Variants in ZNF792 observed in about 807,000 individuals in gnomAD.
ZNF792 encodes the protein zinc finger protein 792.
ZNF792 carries 14 observed loss-of-function variants against 13.1 expected under a neutral mutation model. That is an observed-to-expected ratio of 1.07 (90% CI 0.71 to 1.67). The LOEUF is 1.67. Among genes scored for constraint, ZNF792 ranks in the 40% most tolerant of loss-of-function variants. The pLI is 0.00. For synonymous variants in ZNF792, 257 were observed against 292.0 expected (o/e 0.88, Z 1.22); for missense variants, 740 against 807.9 (o/e 0.92, Z 1.02).
At chr19:34,962,056 T>G (rs368421438) in intron 1 of ZNF792, among the ~76,000 whole-genome samples, 35 of 152,300 alleles carry the variant, frequency 2.3e-4, no homozygotes, top group African/African-American at 7.7e-4. Context: ...CCTGTCTTTA[T>G]GATGCCAAAC....
intron 1 of ZNF792, 44 bp downstream of exon 1, chr19:34,963,586 G>C (rs1405112406): frequency 2.5e-6 from 4 of 1,588,978 alleles, no homozygotes; most frequent in Non-Finnish European, 3.4e-6. Context: ...GAGAACAGAA[G>C]CGTGGGGGGC....
At position 34,958,841 on chromosome 19, in the gene ZNF792, G is replaced by A. The variant is rs372853650; in HGVS notation, c.1014C>T (p.His338=). The change falls in exon 4 of 4, where the codon CAC becomes CAT. Residue 338 remains histidine (H), a synonymous_variant. Transcript: ENST00000404801. ...HRRVHTGESP[H]VCGDCGKFFS... ...AGAATTTCCCACAGTCACCACACAC[G>A]TGAGGGCTTTCACCGGTGTGAACCC... The A allele has an allele frequency of 9.1e-5, 147 of 1,612,326 alleles. No homozygotes were observed. Among genetic ancestry groups the A allele is most frequent in the Non-Finnish European group, 1.2e-4 (139 of 1,178,714 alleles).
Position 34,959,463 on chromosome 19 carries a change from G to T in ZNF792, c.392C>A (p.Thr131Asn). 6.2e-7 allele frequency: 1 copy of T among 1,613,798 alleles called. No homozygotes were observed. Among genetic ancestry groups the T allele is most frequent in the Non-Finnish European group, 8.5e-7 (1 of 1,179,752 alleles). Residue 131 changes from threonine (T) to asparagine (N), a missense_variant, in exon 4 of 4, where the codon ACC (threonine) becomes AAC (asparagine). Physicochemically the swap from Thr to Asn is moderately conservative, Grantham distance 65. Coordinates refer to ENST00000404801, the MANE Select transcript of ZNF792 (RefSeq NM_175872.5). Reference protein sequence around the residue: ...SPEATLCPQKTCPCDICGLRL... With the variant: ...SPEATLCPQKNCPCDICGLRL... ...TAGGCCACATATGTCACAGGGGCAG[G>T]TCTTCTGGGGGCACAGAGTTGCCTC...
chr19:34,959,355 T>A lies in ZNF792; in HGVS notation c.500A>T (p.Lys167Ile). The A allele has an allele frequency of 6.2e-7, 1 of 1,614,090 alleles. No individual in the cohort carries two copies. The highest frequency in any genetic ancestry group is 1.1e-5 in the South Asian group (1 of 91,084). Residue 167 changes from lysine to isoleucine, a missense_variant, in exon 4 of 4, where the codon AAA (lysine) becomes ATA (isoleucine). Transcript: ENST00000404801. Reference sequence around the variant, plus strand: ...AAGGTTTGCACTGAACTCAGAGCCTTTCACATATGCCTCACACACAAATGG... The same window carrying A: ...AAGGTTTGCACTGAACTCAGAGCCTATCACATATGCCTCACACACAAATGG... ...QKPFVCEAYV[K>I]GSEFSANLPR... is the part of the protein sequence containing the mutation.
In ZNF792 at chr19:34,957,597, A is replaced by G; in HGVS notation, c.*359T>C. On this transcript the variant is annotated 3_prime_UTR_variant, in exon 4 of 4. Transcript: ENST00000404801. ...ACAAATCCTTCACAGGCATAACATGAGACCAACAATGTCCCAGAAAAAGGG... is the reference window on the plus strand; with the variant it reads ...ACAAATCCTTCACAGGCATAACATGGGACCAACAATGTCCCAGAAAAAGGG... 4.4e-6 allele frequency: 1 copy of G among 227,086 alleles called. No individual in the cohort carries two copies. 14.1% of individuals were successfully genotyped at this position (227,086 alleles called of 1,614,324 possible).
At chr19:34,963,243 G>A (rs2013553556) in intron 1 of ZNF792, among the ~76,000 whole-genome samples, 1 of 152,168 alleles carries the variant, frequency 6.6e-6, no homozygotes, top group Middle Eastern at 3.4e-3. Flanking sequence ...CTGCCGTTCT[G>A]AGCTGTCTTC....
chr19:34,960,587 G>C, intron 2 of ZNF792: 1 of 689,106 alleles, frequency 1.5e-6, no homozygotes, highest in South Asian at 1.9e-5. Flanking sequence ...TAATCACCCA[G>C]GAGGGAATGG....
In ZNF792 at chr19:34,959,050, G is replaced by A. The variant is rs150355922; in HGVS notation, c.805C>T (p.Leu269Phe). 2.3e-4 allele frequency: 376 copies of A among 1,614,058 alleles called. No homozygotes were observed. Among genetic ancestry groups the A allele is most frequent in the Non-Finnish European group, 2.6e-4 (310 of 1,180,004 alleles). ...CTGTGGATTCTCTGGTGCTGAACAA[G>A]AGTGGATTTGTTATTGAAGGCATCC... is the stretch of plus-strand genomic sequence containing the variant. Reference protein sequence around the residue: ...SGDAFNNKSTLVQHQRIHSRE... With the variant: ...SGDAFNNKSTFVQHQRIHSRE... The change falls in exon 4 of 4, where the codon CTT (leucine) becomes TTT (phenylalanine). Residue 269 changes from leucine (L) to phenylalanine (F), a missense_variant. Coordinates refer to ENST00000404801, the MANE Select transcript of ZNF792 (RefSeq NM_175872.5).
chr19:34,958,477 T>C lies in ZNF792; in HGVS notation c.1378A>G (p.Ser460Gly). Residue 460 changes from serine (S) to glycine (G), a missense_variant, in exon 4 of 4, where the codon AGC (serine) becomes GGC (glycine). Ser to Gly is a moderately conservative substitution (Grantham distance 56). Coordinates refer to ENST00000404801, the MANE Select transcript of ZNF792 (RefSeq NM_175872.5). The stretch of plus-strand genomic sequence containing the variant: ...TGTTTCATGAGGTCAGAGCTTCGGC[T>C]GAAGGCTTTCCCACACTCACCACAC... ...HGCGECGKAF[S>G]RSSDLMKHQR... 1 of 1,599,150 alleles carries C rather than the reference T, an allele frequency of 6.3e-7. No homozygotes were observed. The highest frequency in any genetic ancestry group is 1.3e-5 in the African/African-American group (1 of 74,754).
chr19:34,962,132 AC>A (rs2013537843), intron 1 of ZNF792, among the ~76,000 whole-genome samples: 1 of 152,082 alleles, frequency 6.6e-6, no homozygotes, highest in Non-Finnish European at 1.5e-5. Flanking sequence ...CTTTTTTTTA[AC>A]ATCATTGTCA....
Position 34,957,664 on chromosome 19 carries a change from G to T in ZNF792, c.*292C>A. The T allele has an allele frequency of 2.8e-6, 1 of 351,510 alleles. No homozygotes were observed. The highest frequency in any genetic ancestry group is 5.1e-6 in the Non-Finnish European group (1 of 195,230). 21.8% of individuals were successfully genotyped at this position (351,510 alleles called of 1,614,324 possible). A position where few individuals can be genotyped will look rare whatever the true frequency, so the allele number is the denominator to read the frequency against. The stretch of plus-strand genomic sequence containing the variant: ...AAGCTGTTGGCAAAACCCTGCTCAG[G>T]TCTTCACAGCCAAAAGCTGGTCATG... On this transcript the variant is annotated 3_prime_UTR_variant, in exon 4 of 4. Transcript: ENST00000404801.
chr19:34,960,253 A>G lies in ZNF792; in HGVS notation c.265T>C (p.Tyr89His). Residue 89 changes from tyrosine to histidine, a missense_variant, in exon 3 of 4, where the codon TAT (tyrosine) becomes CAT (histidine). Physicochemically the swap from Tyr to His is moderately conservative, Grantham distance 83. Transcript: ENST00000404801. ...TGCTTACCAGAGCCAGGCCTGCCAT[A>G]AGCCCCTCTGGCCATGGCTGATGTC... Reference protein sequence around the residue: ...DMTSAMARGAYGRPGSDFCHG... With the variant: ...DMTSAMARGAHGRPGSDFCHG... The G allele has an allele frequency of 1.2e-6, 2 of 1,613,852 alleles. No homozygotes were observed. The highest frequency in any genetic ancestry group is 1.7e-6 in the Non-Finnish European group (2 of 1,179,762).
chr19:34,961,699 C>T (rs1452972626), intron 1 of ZNF792, among the ~76,000 whole-genome samples: 3 of 151,968 alleles, frequency 2.0e-5, no homozygotes, highest in Non-Finnish European at 4.4e-5. Context: ...CTGACCCTGT[C>T]ATCACTCACA....
chr19:34,960,377 G>A lies in ZNF792; in HGVS notation c.161-20C>T, dbSNP rs757296797. ...TAAGTCCTAAGGGAAAGACAGAGTGGGTCAGTGGCCAGCACCTGCCCAGTT... is the reference window on the plus strand; with the variant it reads ...TAAGTCCTAAGGGAAAGACAGAGTGAGTCAGTGGCCAGCACCTGCCCAGTT... On this transcript the variant is annotated intron_variant, in intron 2 of 3. Coordinates refer to ENST00000404801, the MANE Select transcript of ZNF792 (RefSeq NM_175872.5). 2 of 1,609,810 alleles carry A rather than the reference G, an allele frequency of 1.2e-6. No individual in the cohort carries two copies. Among genetic ancestry groups the A allele is most frequent in the African/African-American group, 1.3e-5 (1 of 74,914 alleles).
chr19:34,958,796 G>A lies in ZNF792; in HGVS notation c.1059C>T (p.Leu353=), dbSNP rs1030896835. 1.2e-6 allele frequency: 2 copies of A among 1,613,994 alleles called. No homozygotes were observed. Among genetic ancestry groups the A allele is most frequent in the Non-Finnish European group, 1.7e-6 (2 of 1,180,010 alleles). ...CGKFFSRSSN[L]IQHKRVHTGE... ...CAGTGTGAACCCTCTTATGCTGAAT[G>A]AGGTTGGAGCTTCGGCTGAAGAATT... The change falls in exon 4 of 4, where the codon CTC becomes CTT. Residue 353 remains leucine, a synonymous_variant. Transcript: ENST00000404801.
chr19:34,959,149 C>A lies in ZNF792; in HGVS notation c.706G>T (p.Glu236Ter), dbSNP rs1234573401. 6.2e-7 allele frequency: 1 copy of A among 1,613,842 alleles called. No individual in the cohort carries two copies. The highest frequency in any genetic ancestry group is 8.5e-7 in the Non-Finnish European group (1 of 1,179,716). The change falls in exon 4 of 4, where the codon GAG becomes TAG. Residue 236 changes from glutamate (E) to a stop codon, truncating the protein, a stop_gained. Coordinates refer to ENST00000404801, the MANE Select transcript of ZNF792 (RefSeq NM_175872.5). LOFTEE classifies it low-confidence loss of function (END_TRUNC). Reference protein sequence around the residue: ...LQCEVTPSDGEPHEATEGVVD... With the variant: ...LQCEVTPSDG ...ACACCTTCGGTGGCCTCGTGCGGCT[C>A]CCCATCGCTGGGAGTGACCTCACAC...
chr19:34,960,334 T>C lies in ZNF792; in HGVS notation c.184A>G (p.Ile62Val), dbSNP rs760618957. ...TTCCCCATCTCCAACTGGGAAACGA[T>C]GTGGGACCTGAAAGATATAAGTCCT... ...SLGLISFRSH[I>V]VSQLEMGKEP... Residue 62 changes from isoleucine (I) to valine (V), a missense_variant, in exon 3 of 4, where the codon ATC becomes GTC. By Grantham distance (29) the Ile-to-Val change is conservative. Coordinates refer to ENST00000404801, the MANE Select transcript of ZNF792 (RefSeq NM_175872.5). The C allele has an allele frequency of 1.2e-6, 2 of 1,613,500 alleles. No individual in the cohort carries two copies. The highest frequency in any genetic ancestry group is 3.3e-5 in the Admixed American group (2 of 59,994).
Position 34,958,146 on chromosome 19 carries a change from G to C in ZNF792, c.1709C>G (p.Ala570Gly), listed in dbSNP as rs139550077. 1,976 of 1,613,738 alleles carry C rather than the reference G, an allele frequency of 1.2e-3. 16 individuals carry two copies. The African/African-American group carries it at 0.024, about 19-fold the overall frequency. ...RPYECSECGKAFNQRPTLIRH... is the reference protein window; with the variant it reads ...RPYECSECGKGFNQRPTLIRH... ...AATGAGGGTAGGCCTTTGGTTGAAG[G>C]CTTTCCCACATTCGCTGCATTCGTA... Residue 570 changes from alanine (A) to glycine (G), a missense_variant, in exon 4 of 4, where the codon GCC becomes GGC. Ala to Gly is a moderately conservative substitution (Grantham distance 60). Transcript: ENST00000404801.
chr19:34,963,802 C>T lies in ZNF792; in HGVS notation c.-140G>A. On this transcript the variant is annotated 5_prime_UTR_variant, in exon 1 of 4. Transcript: ENST00000404801. ...CCCGGGCTGAGGGTCGCACTCCTAGCCTCAGTCTCCCCCGTGCAAAATGCG... is the reference window on the plus strand; with the variant it reads ...CCCGGGCTGAGGGTCGCACTCCTAGTCTCAGTCTCCCCCGTGCAAAATGCG... 1 of 965,214 alleles carries T rather than the reference C, an allele frequency of 1.0e-6. No individual in the cohort carries two copies. The highest frequency in any genetic ancestry group is 1.7e-5 in the South Asian group (1 of 57,876). The allele number at this position is 965,214 out of a possible 1,614,324, so 59.8% of individuals were successfully genotyped here. A position where few individuals can be genotyped will look rare whatever the true frequency, so the allele number is the denominator to read the frequency against.
Sources: allele counts gnomAD v4.1 joint callset (sites outside exome capture counted in the v4.1 genomes callset), GRCh38; gene constraint gnomAD v4.1.1; transcripts MANE v1.5; gene names NCBI Gene and HGNC (gene_info 2026-07-23, HGNC 2026-07-21).